SIK3: variants seen among roughly 807,000 people sequenced by gnomAD.
The protein encoded by SIK3 is SIK family kinase 3.
In SIK3, 28 loss-of-function variants were observed where a neutral mutation model predicts 144.2. The ratio of observed to expected loss-of-function variants is 0.19; its 90% confidence interval spans 0.14 to 0.27. The LOEUF (loss-of-function observed/expected upper bound fraction) is 0.27. Ranked by LOEUF, SIK3 falls within the 10% of genes least tolerant of loss-of-function variation. The pLI, the probability that SIK3 is intolerant of heterozygous loss-of-function variation, is 1.00. For synonymous variants in SIK3, 686 were observed against 676.3 expected, an observed-to-expected ratio of 1.01 and a Z score of -0.22; for missense variants, 1,319 against 1,776.0, an observed-to-expected ratio of 0.74 and a Z score of 4.62.
intron 6 of SIK3, among the ~76,000 whole-genome samples, chr11:116,895,849 A>G (rs543375014): frequency 2.8e-4 from 42 of 152,344 alleles, no homozygotes; most frequent in African/African-American, 9.1e-4. Flanking sequence ...TGAGAACCCA[A>G]TAAGTGGAAA....
At position 116,847,530 on chromosome 11, in the gene SIK3, G is replaced by C. The variant is rs894438062; in HGVS notation, c.3898C>G (p.Leu1300Val). Residue 1300 changes from leucine to valine, a missense_variant, in exon 23 of 25, where the codon CTC becomes GTC. Leu to Val is a conservative substitution (Grantham distance 32). Around this residue, in one of 8 missense-constraint regions of SIK3, gnomAD observed 646 missense variants for 763.7 expected, o/e 0.85. Coordinates refer to ENST00000445177, the MANE Select transcript of SIK3 (RefSeq NM_001366686.3). ...CTGCCCATGAGCGAAGACTGACTGA[G>C]AACTGCATCCGACATCCGGGCAGAG... ...LSSARMSDAV[L>V]SQSSLMGSQQ... The C allele has an allele frequency of 3.1e-6, 5 of 1,614,182 alleles. No homozygotes were observed. In the East Asian group the frequency reaches 1.1e-4, roughly 36 times the overall value.
chr11:117,095,427 A>C (rs1955433122), intron 1 of SIK3, among the ~76,000 whole-genome samples: 3 of 152,256 alleles, frequency 2.0e-5, no homozygotes, highest in South Asian at 2.1e-4. Flanking sequence ...TGGGGGAAAA[A>C]AATAACTCTC....
At position 116,938,732 on chromosome 11, in the gene SIK3, T is replaced by C. The variant is rs546172600; in HGVS notation, c.455-11352A>G. Reference sequence around the variant, plus strand: ...GTACAGGAAATGTTCAAGATAAGCATAGGACATCTTGCCTAAAAGCAACAA... The same window carrying C: ...GTACAGGAAATGTTCAAGATAAGCACAGGACATCTTGCCTAAAAGCAACAA... On this transcript the variant is annotated intron_variant, in intron 3 of 24. Transcript: ENST00000445177. Among the ~76,000 whole-genome samples, 11 of 151,784 alleles carry C rather than the reference T, an allele frequency of 7.2e-5. No homozygotes were observed. The South Asian group carries it at 1.0e-3, about 14-fold the overall frequency.
chr11:116,880,679 G>C (rs902454008), intron 6 of SIK3, among the ~76,000 whole-genome samples: 1 of 152,134 alleles, frequency 6.6e-6, no homozygotes, highest in Non-Finnish European at 1.5e-5. Context: ...CATGGAAACA[G>C]GGTGAAAACG....
chr11:117,098,383 C>CCCGCCAGCT lies in SIK3; in HGVS notation c.24_32dup (p.Gly10_Ala12dup), dbSNP rs1955581791. 1 of 1,170,160 alleles carries CCCGCCAGCT rather than the reference C, an allele frequency of 8.5e-7. No homozygotes were observed. Among genetic ancestry groups the CCCGCCAGCT allele is most frequent in the Non-Finnish European group, 1.1e-6 (1 of 949,484 alleles). 72.5% of individuals were successfully genotyped at this position (1,170,160 alleles called of 1,614,324 possible). Reference sequence around the variant, plus strand: ...CTCCCCCAGTCCCGGCCCCGGCAGCCCCGCCAGCTCCGCTCGCCGCCGCCG... The same window carrying CCCGCCAGCT: ...CTCCCCCAGTCCCGGCCCCGGCAGCCCCGCCAGCTCCGCCAGCTCCGCTCGCCGCCGCCG... On this transcript the variant is annotated inframe_insertion, in exon 1 of 25. Transcript: ENST00000445177.
intron 4 of SIK3, among the ~76,000 whole-genome samples, chr11:116,925,763 C>T (rs1203261823): frequency 6.6e-6 from 1 of 152,192 alleles, no homozygotes; most frequent in Admixed American, 6.5e-5. Context: ...ATGCCACACA[C>T]CTTTGTGGGA....
intron 1 of SIK3, among the ~76,000 whole-genome samples, chr11:117,042,745 C>T (rs560269056): frequency 5.3e-5 from 8 of 152,290 alleles, no homozygotes; most frequent in African/African-American, 1.9e-4. Flanking sequence ...TAATATCTTT[C>T]TCTGTTCAAC....
chr11:117,006,192 G>C (rs952067224), intron 1 of SIK3, among the ~76,000 whole-genome samples: 3 of 152,172 alleles, frequency 2.0e-5, no homozygotes, highest in Non-Finnish European at 4.4e-5. Flanking sequence ...AGATCATATA[G>C]TCTAAAATGG....
intron 1 of SIK3, among the ~76,000 whole-genome samples, chr11:117,068,669 C>T (rs1261469473): frequency 1.3e-5 from 2 of 152,182 alleles, no homozygotes; most frequent in Non-Finnish European, 2.9e-5. Flanking sequence ...GCTGAGGCTG[C>T]AGCGAGCCCA....
intron 1 of SIK3, among the ~76,000 whole-genome samples, chr11:117,008,385 C>G (rs1246731707): frequency 6.6e-6 from 1 of 152,108 alleles, no homozygotes; most frequent in East Asian, 1.9e-4. Flanking sequence ...AAAATTTGAA[C>G]CTAGGACTTC....
chr11:117,022,305 A>G (rs1004528089), intron 1 of SIK3, among the ~76,000 whole-genome samples: 4 of 152,190 alleles, frequency 2.6e-5, no homozygotes, highest in African/African-American at 9.7e-5. Flanking sequence ...TATATTTAAT[A>G]TCTATGCATT....
rs1267588280 is a variant in SIK3 at position 116,867,271 on chromosome 11, C to A, written c.1952+675G>T. Among the ~76,000 whole-genome samples, 5 of 152,192 alleles carry A rather than the reference C, an allele frequency of 3.3e-5. No individual in the cohort carries two copies. The highest frequency in any genetic ancestry group is 2.6e-4 in the Admixed American group (4 of 15,280). The stretch of plus-strand genomic sequence containing the variant: ...CATCAAGATAGTCACAGAAGATAAT[C>A]ATCTTCTTCAACTAGCAAAGTGTCA... On this transcript the variant is annotated intron_variant, in intron 15 of 24. Transcript: ENST00000445177. This position sits in a 1 kb window ranked among gnomAD's most constrained non-coding sequence, Gnocchi z 4.1.
At chr11:116,855,589 T>C (rs1027553826) in intron 21 of SIK3, 2 of 152,268 alleles carry the variant, frequency 1.3e-5, no homozygotes, top group African/African-American at 4.8e-5. Flanking sequence ...TCAGGAAGTA[T>C]TGAAAGTACA....
At chr11:116,909,400 GGATATGGTTGT>G (rs1946220060) in intron 4 of SIK3, among the ~76,000 whole-genome samples, 1 of 151,978 alleles carries the variant, frequency 6.6e-6, no homozygotes, top group Non-Finnish European at 1.5e-5. Flanking sequence ...CTTGGGGGAA[GGATATGGTTGT>G]GATGAGGTGT....
At chr11:116,962,424 A>G (rs925751667) in intron 1 of SIK3, among the ~76,000 whole-genome samples, 3 of 152,262 alleles carry the variant, frequency 2.0e-5, no homozygotes, top group Non-Finnish European at 4.4e-5. Context: ...AGAAGGAAAG[A>G]GAAAACATTA....
intron 21 of SIK3, among the ~76,000 whole-genome samples, chr11:116,853,793 G>T (rs1432578226): frequency 6.6e-6 from 1 of 152,212 alleles, no homozygotes; most frequent in African/African-American, 2.4e-5. Flanking sequence ...TTATGCTGCT[G>T]TGTTTATTTG....
intron 1 of SIK3, among the ~76,000 whole-genome samples, chr11:116,994,378 G>A (rs962098935): frequency 6.6e-6 from 1 of 152,200 alleles, no homozygotes; most frequent in African/African-American, 2.4e-5. Context: ...ACACTTTAGA[G>A]CATAGTGGTT....
rs564361292 is a variant in SIK3, at chr11:116,847,807, G to C, written c.3820-199C>G. On this transcript the variant is annotated intron_variant, in intron 22 of 24. Coordinates refer to ENST00000445177, the MANE Select transcript of SIK3 (RefSeq NM_001366686.3). The stretch of plus-strand genomic sequence containing the variant: ...GAAGCTGCTTGGCTCTGCCCAGTGG[G>C]GGGGCTGAGGGTGGGGCGGATGTGG... Among the ~76,000 whole-genome samples the C allele has an allele frequency of 9.2e-5, 14 of 152,330 alleles. 1 individual carries two copies. The highest frequency in any genetic ancestry group is 2.9e-5 in the Non-Finnish European group (2 of 68,026).
chr11:116,901,221 A>T (rs1945724187), intron 4 of SIK3, among the ~76,000 whole-genome samples: 3 of 152,182 alleles, frequency 2.0e-5, no homozygotes, highest in Admixed American at 1.3e-4. Context: ...TTAATTAGTA[A>T]ATGGAGGAGA....
Sources: gnomAD v4.1 joint callset for allele counts (sites outside exome capture counted in the v4.1 genomes callset) on GRCh38, gnomAD v4.1.1 for gene constraint, gnomAD v4.1.1 regional missense constraint, Gnocchi (gnomAD v3.1) non-coding constraint, MANE v1.5 for transcripts, NCBI Gene and HGNC (gene_info 2026-07-23, HGNC 2026-07-21) for gene names.